The following CDC14B variants were observed in gnomAD, a reference collection of about 807,000 sequenced individuals.
The protein encoded by CDC14B is cell division cycle 14B.
In CDC14B, 22 loss-of-function variants were observed where a neutral mutation model predicts 64.2. The observed-to-expected ratio is 0.34, with a 90% CI of 0.24 to 0.49. The LOEUF (loss-of-function observed/expected upper bound fraction) is 0.49. CDC14B is among the 20% of genes least tolerant of loss of function. The probability of loss-of-function intolerance (pLI) is 0.99; values close to 1 mark genes in which losing one functional copy is unlikely to be tolerated. For missense variants in CDC14B, 498 were observed against 629.9 expected (o/e 0.79, Z 2.24); for synonymous variants, 191 against 215.8 (o/e 0.89, Z 1.01).
chr9:96,530,461 G>A (rs903318089), intron 9 of CDC14B, among the ~76,000 whole-genome samples: 1 of 138,734 alleles, frequency 7.2e-6, no homozygotes, highest in Non-Finnish European at 1.5e-5. Context: ...TGGTATTTTA[G>A]TAGAGGCGGG....
chr9:96,610,551 G>C (rs1312201662), intron 1 of CDC14B, among the ~76,000 whole-genome samples: 1 of 151,740 alleles, frequency 6.6e-6, no homozygotes, highest in East Asian at 1.9e-4. Context: ...TGTTTCCCAA[G>C]TTAGCATTTC....
At chr9:96,582,505 C>T (rs1845214867) in intron 1 of CDC14B, among the ~76,000 whole-genome samples, 1 of 152,194 alleles carries the variant, frequency 6.6e-6, no homozygotes, top group Non-Finnish European at 1.5e-5. Context: ...GGGACAAATA[C>T]AGAATGTAAG....
At chr9:96,615,022 G>A (rs137897233) in intron 1 of CDC14B, among the ~76,000 whole-genome samples, 2,106 of 152,120 alleles carry the variant, frequency 0.014, 55 homozygotes, top group African/African-American at 0.049. Context: ...TGAATTTTTA[G>A]TAGAGAAGGG....
intron 1 of CDC14B, among the ~76,000 whole-genome samples, chr9:96,599,528 G>A (rs1278420401): frequency 6.6e-6 from 1 of 152,204 alleles, no homozygotes; most frequent in Non-Finnish European, 1.5e-5. Flanking sequence ...AAGAGAATCT[G>A]TTTAATGCAA....
rs777644376 is a variant in CDC14B, at chr9:96,564,762, T to C, written c.327+15A>G. On this transcript the variant is annotated intron_variant, in intron 3 of 13. Transcript: ENST00000375241. ...GCTAACAATGATTACTTAAGTCAAA[T>C]CTTAAAGACTTTACCTTTAATTTCT... is the stretch of plus-strand genomic sequence containing the variant. 2.6e-6 allele frequency: 4 copies of C among 1,509,536 alleles called. No homozygotes were observed. Among genetic ancestry groups the C allele is most frequent in the Non-Finnish European group, 3.6e-6 (4 of 1,101,874 alleles). The allele number at this position is 1,509,536 out of a possible 1,614,324, so 93.5% of individuals were successfully genotyped here.
chr9:96,495,482 T>G (rs934949596), downstream of CDC14B, among the ~76,000 whole-genome samples: 3 of 143,872 alleles, frequency 2.1e-5, no homozygotes, highest in Non-Finnish European at 3.0e-5. Context: ...ATGAACAACC[T>G]GCACAACTGT....
rs765589203 is a variant in CDC14B, at chr9:96,522,516, T to C, written c.1333A>G (p.Ile445Val). 6 of 1,608,442 alleles carry C rather than the reference T, an allele frequency of 3.7e-6. No individual in the cohort carries two copies. Among genetic ancestry groups the C allele is most frequent in the East Asian group, 2.2e-5 (1 of 44,846 alleles). ...KSRRQSKTNA[I>V]PLTVILQSSV... ...GGAACCCAGACTCACGTGAGAGGAA[T>C]AGCGTTTGTTTTGGATTGTCTTCTG... The change falls in exon 12 of 14, where the codon ATT becomes GTT. Residue 445 changes from isoleucine to valine, a missense_variant. Ile to Val is a conservative substitution (Grantham distance 29). Transcript: ENST00000375241.
In CDC14B at chr9:96,528,716, T is replaced by C. The variant is rs184719851; in HGVS notation, c.947-4991A>G. Among the ~76,000 whole-genome samples the C allele has an allele frequency of 1.0e-3, 159 of 152,320 alleles. 1 individual carries two copies. Among genetic ancestry groups the C allele is most frequent in the Non-Finnish European group, 1.9e-3 (127 of 68,024 alleles). On this transcript the variant is annotated intron_variant, in intron 9 of 13. Coordinates refer to ENST00000375241, the MANE Select transcript of CDC14B (RefSeq NM_033331.4). Reference sequence around the variant, plus strand: ...CATTGTTTTATACTCCCACTAGCAGTACACAAGGCTTCTAATTTTCTCCAC... The same window carrying C: ...CATTGTTTTATACTCCCACTAGCAGCACACAAGGCTTCTAATTTTCTCCAC...
chr9:96,565,741 A>C (rs1235704539), intron 1 of CDC14B, among the ~76,000 whole-genome samples: 1 of 152,232 alleles, frequency 6.6e-6, no homozygotes, highest in Non-Finnish European at 1.5e-5. Context: ...TATGACTTCT[A>C]AACAAACCTA....
At chr9:96,584,525 G>A (rs559519426) in intron 1 of CDC14B, among the ~76,000 whole-genome samples, 4 of 152,242 alleles carry the variant, frequency 2.6e-5, no homozygotes, top group African/African-American at 9.6e-5. Flanking sequence ...ATTCTTCTAG[G>A]ATAAGCCAAG....
chr9:96,573,354 C>T (rs1277654231), intron 1 of CDC14B, among the ~76,000 whole-genome samples: 1 of 151,782 alleles, frequency 6.6e-6, no homozygotes, highest in Admixed American at 6.6e-5. Context: ...AGATAAACTA[C>T]TCAAATAAAT....
At chr9:96,618,603 G>C (rs750802924) in intron 1 of CDC14B, 1 of 532,670 alleles carries the variant, frequency 1.9e-6, no homozygotes, top group Non-Finnish European at 3.8e-6. Flanking sequence ...CCCCGGCGGG[G>C]AGCGGACCCC....
In CDC14B at chr9:96,565,410, A is replaced by G. The variant is rs764785061; in HGVS notation, c.234T>C (p.Asn78=). ...ATACTTACTTCTCATATTCAAGTTCATTATCTATGCTGAAATAATGTACAT... is the reference window on the plus strand; with the variant it reads ...ATACTTACTTCTCATATTCAAGTTCGTTATCTATGCTGAAATAATGTACAT... ...ASNVHYFSID[N]ELEYENFYAD... The change falls in exon 2 of 14, where the codon AAT becomes AAC. Residue 78 remains asparagine, a synonymous_variant. Coordinates refer to ENST00000375241, the MANE Select transcript of CDC14B (RefSeq NM_033331.4). 1 of 1,602,036 alleles carries G rather than the reference A, an allele frequency of 6.2e-7. No homozygotes were observed. Among genetic ancestry groups the G allele is most frequent in the South Asian group, 1.1e-5 (1 of 90,732 alleles).
intron 9 of CDC14B, among the ~76,000 whole-genome samples, chr9:96,527,243 CA>C (rs1446207097): frequency 3.9e-5 from 6 of 152,046 alleles, no homozygotes; most frequent in Non-Finnish European, 7.4e-5. Context: ...AGTAAAAATA[CA>C]AAAAATTAGC....
chr9:96,597,450 T>C (rs1261165131), intron 1 of CDC14B, among the ~76,000 whole-genome samples: 3 of 149,688 alleles, frequency 2.0e-5, no homozygotes, highest in Non-Finnish European at 4.4e-5. Flanking sequence ...GCCGAGATTG[T>C]GTCATTGCGC....
intron 12 of CDC14B, among the ~76,000 whole-genome samples, chr9:96,521,958 C>A (rs988666745): frequency 6.6e-6 from 1 of 152,186 alleles, no homozygotes; most frequent in African/African-American, 2.4e-5. Flanking sequence ...CAAGAATGTA[C>A]ACATAGACAT....
chr9:96,498,142 T>C (rs1392425453), downstream of CDC14B, among the ~76,000 whole-genome samples: 1 of 152,184 alleles, frequency 6.6e-6, no homozygotes, highest in Non-Finnish European at 1.5e-5. Flanking sequence ...AAGCTCGTGT[T>C]CTTGGAGAAT....
chr9:96,517,480 G>A (rs1290294882), intron 12 of CDC14B, among the ~76,000 whole-genome samples: 3 of 148,774 alleles, frequency 2.0e-5, no homozygotes, highest in Non-Finnish European at 3.0e-5. Context: ...GTGAAACCCC[G>A]TCTCTACTAA....
intron 13 of CDC14B, among the ~76,000 whole-genome samples, chr9:96,505,593 C>T (rs189173217): frequency 1.2e-4 from 18 of 152,158 alleles, no homozygotes; most frequent in East Asian, 1.2e-3. Context: ...GAAAACAGGC[C>T]GATTCAACGG....
Sources: gnomAD v4.1 joint callset for allele counts (sites outside exome capture counted in the v4.1 genomes callset) on GRCh38, gnomAD v4.1.1 for gene constraint, MANE v1.5 for transcripts, NCBI Gene and HGNC (gene_info 2026-07-23, HGNC 2026-07-21) for gene names.